Variants in OR1S2 observed in about 807,000 individuals in gnomAD.
OR1S2 encodes the protein olfactory receptor family 1 subfamily S member 2.
Under a neutral mutation model 1.7 loss-of-function variants are expected in OR1S2, and 1 was observed. The ratio of observed to expected loss-of-function variants is 0.59; its 90% CI spans 0.21 to 2.81. The LOEUF (loss-of-function observed/expected upper bound fraction) is 2.81. Among genes scored for constraint, OR1S2 ranks in the 30% most tolerant of loss-of-function variants. OR1S2 has a pLI of 0.22. For missense variants in OR1S2, 391 were observed against 371.6 expected (o/e 1.05, Z -0.43); for synonymous variants, 157 against 145.3 (o/e 1.08, Z -0.58).
At chr11:58,203,931 A>C (rs1854880206) in exon 1 of OR1S2, 3 of 1,614,004 alleles carry the variant, frequency 1.9e-6, no homozygotes, top group Non-Finnish European at 2.5e-6. Flanking sequence ...AATGGAGGAA[A>C]TATCAGCAAA....
At chr11:58,204,022 C>T in exon 1 of OR1S2, 1 of 1,614,016 alleles carries the variant, frequency 6.2e-7, no homozygotes, top group Non-Finnish European at 8.5e-7. Flanking sequence ...AGCCCGTTCC[C>T]AACCACAGTG....
At chr11:58,203,904 T>C (rs768218453) in exon 1 of OR1S2, 2 of 1,614,078 alleles carry the variant, frequency 1.2e-6, no homozygotes, top group Non-Finnish European at 1.7e-6. Flanking sequence ...CACCAGCATT[T>C]TGGGGACTGA....
At chr11:58,203,421 C>A (rs750565042) in exon 1 of OR1S2, 56 of 1,613,998 alleles carry the variant, frequency 3.5e-5, no homozygotes, top group Non-Finnish European at 4.4e-5. Context: ...GTGAGAGCCA[C>A]AAGTGGAGAA....
rs765775277 is a variant in OR1S2 at position 58,203,722 on chromosome 11, C to T, written c.421G>A (p.Gly141Ser). ...CACGAGATGACTGTGAGCAAAGTGC[C>T]GAACCTGGCCCGCATGAAAGTTGTA... The change falls in exon 1 of 1, where the codon GGC (glycine) becomes AGC (serine). Residue 141 changes from glycine (G) to serine (S), a missense_variant. Physicochemically the swap from Gly to Ser is moderately conservative, Grantham distance 56. Transcript: ENST00000641683. The T allele has an allele frequency of 1.5e-5, 24 of 1,613,868 alleles. No homozygotes were observed. Among genetic ancestry groups the T allele is most frequent in the East Asian group, 1.1e-4 (5 of 44,882 alleles).
chr11:58,203,262 T>A, exon 1 of OR1S2: 1 of 1,614,016 alleles, frequency 6.2e-7, no homozygotes, highest in Non-Finnish European at 8.5e-7. Flanking sequence ...CATATCCTTA[T>A]TCCTCAAGCT....
At chr11:58,203,498 G>T in exon 1 of OR1S2, 10 of 1,614,086 alleles carry the variant, frequency 6.2e-6, no homozygotes, top group South Asian at 3.3e-5. Flanking sequence ...CATAGGAGAA[G>T]AAGATGAGTA....
chr11:58,203,315 G>T (rs1427443562), exon 1 of OR1S2: 2 of 1,613,948 alleles, frequency 1.2e-6, no homozygotes, highest in Non-Finnish European at 1.7e-6. Context: ...CAGTGAATAG[G>T]ACAGCACCAA....
chr11:58,203,756 A>G, exon 1 of OR1S2: 1 of 1,614,116 alleles, frequency 6.2e-7, no homozygotes, highest in Non-Finnish European at 8.5e-7. Context: ...TATAGTTCAG[A>G]GGGTGGCAGA....
At chr11:58,203,713 G>A (rs1854875805) in exon 1 of OR1S2, 1 of 1,614,126 alleles carries the variant, frequency 6.2e-7, no homozygotes, top group Non-Finnish European at 8.5e-7. Context: ...ATGACTGTGA[G>A]CAAAGTGCCG....
At chr11:58,204,011 G>A in exon 1 of OR1S2, 1 of 1,614,062 alleles carries the variant, frequency 6.2e-7, no homozygotes, top group Non-Finnish European at 8.5e-7. Context: ...CCACAATGAT[G>A]AGCCCGTTCC....
chr11:58,204,135 T>C, exon 1 of OR1S2: 1 of 1,613,938 alleles, frequency 6.2e-7, no homozygotes, highest in Non-Finnish European at 8.5e-7. Context: ...TTGGTTTTCT[T>C]GATGCATATT....
At chr11:58,203,422 A>T (rs1854869913) in exon 1 of OR1S2, 1 of 1,614,006 alleles carries the variant, frequency 6.2e-7, no homozygotes, top group African/African-American at 1.3e-5. Context: ...TGAGAGCCAC[A>T]AGTGGAGAAG....
In OR1S2 at chr11:58,203,704, T is replaced by C. The variant is rs768658779; in HGVS notation, c.439A>G (p.Ile147Val). The change falls in exon 1 of 1, where the codon ATC becomes GTC. Residue 147 changes from isoleucine to valine, a missense_variant. Transcript: ENST00000641683. ...ATAATATTACTGAGGAACCACGAGA[T>C]GACTGTGAGCAAAGTGCCGAACCTG... 4.3e-6 allele frequency: 7 copies of C among 1,613,896 alleles called. No individual in the cohort carries two copies. In the Admixed American group the frequency reaches 8.3e-5, roughly 19 times the overall value.
chr11:58,203,712 A>G (rs201585275), exon 1 of OR1S2: 8 of 1,614,134 alleles, frequency 5.0e-6, no homozygotes, highest in Middle Eastern at 3.3e-4. Context: ...GATGACTGTG[A>G]GCAAAGTGCC....
exon 1 of OR1S2, chr11:58,204,083 C>A (rs773108774): frequency 6.2e-7 from 1 of 1,613,980 alleles, no homozygotes; most frequent in Non-Finnish European, 8.5e-7. Flanking sequence ...GATGTTCAGC[C>A]TGGTTGGAGA....
Position 58,204,064 on chromosome 11 carries a change from G to A in OR1S2, c.79C>T (p.Leu27Phe), listed in dbSNP as rs1171153029. ...TACATACTCAGGAAAAGCACAAAGA[G>A]GAGGTTTTGATGTTCAGCCTGGTTG... is the stretch of plus-strand genomic sequence containing the variant. Residue 27 changes from leucine to phenylalanine, a missense_variant, in exon 1 of 1, where the codon CTC becomes TTC. Leu to Phe is a conservative substitution (Grantham distance 22, BLOSUM62 0). Transcript: ENST00000641683. The A allele has an allele frequency of 7.4e-6, 12 of 1,613,994 alleles. No homozygotes were observed. Among genetic ancestry groups the A allele is most frequent in the Non-Finnish European group, 1.0e-5 (12 of 1,179,922 alleles).
At position 58,203,466 on chromosome 11, in the gene OR1S2, AG is replaced by A; in HGVS notation, c.676del (p.Leu226TrpfsTer20). 6.2e-7 allele frequency: 1 copy of A among 1,614,070 alleles called. No individual in the cohort carries two copies. Among genetic ancestry groups the A allele is most frequent in the Non-Finnish European group, 8.5e-7 (1 of 1,179,976 alleles). ...CTTTCCCTGTGTGGATGATACTCCC[AG>A]GACAGCTCTGATGATGCAGACATAG... On this transcript the variant is annotated frameshift_variant, in exon 1 of 1. Transcript: ENST00000641683. LOFTEE classifies it high-confidence loss of function.
exon 1 of OR1S2, chr11:58,203,662 G>A: frequency 6.2e-7 from 1 of 1,614,134 alleles, no homozygotes; most frequent in Non-Finnish European, 8.5e-7. Flanking sequence ...ATGAGCAGAA[G>A]GGTGTGTGTA....
exon 1 of OR1S2, chr11:58,203,250 T>G: frequency 1.2e-6 from 2 of 1,613,890 alleles, no homozygotes; most frequent in Non-Finnish European, 1.7e-6. Context: ...CAGGGCACCT[T>G]TCATATCCTT....
Sources: allele counts gnomAD v4.1 joint callset, GRCh38; gene constraint gnomAD v4.1.1; transcripts MANE v1.5; gene names NCBI Gene and HGNC (gene_info 2026-07-23, HGNC 2026-07-21).